CPNE1: variants seen among roughly 807,000 people sequenced by gnomAD.
CPNE1 encodes the protein copine-1.
In CPNE1, 58 loss-of-function variants were observed where a neutral mutation model predicts 63.2. The ratio of observed to expected loss-of-function variants is 0.92; its 90% CI spans 0.74 to 1.14. The LOEUF (loss-of-function observed/expected upper bound fraction) is 1.14, where lower values mean the gene tolerates loss of function less well. Ranked by LOEUF, CPNE1 falls within the 50% of genes most tolerant of loss-of-function variation. The pLI is 0.00. For synonymous variants in CPNE1, 237 were observed against 249.0 expected (o/e 0.95, Z 0.45); for missense variants, 672 against 661.7 (o/e 1.02, Z -0.17).
At chr20:35,655,353 G>A (rs759115575) in intron 1 of CPNE1, 2 of 1,579,000 alleles carry the variant, frequency 1.3e-6, no homozygotes, top group East Asian at 2.2e-5. Context: ...ACCTGCAGAT[G>A]AGAAAAGGCA....
intron 1 of CPNE1, among the ~76,000 whole-genome samples, chr20:35,638,604 TAACA>T (rs147767406): frequency 0.1 from 15,478 of 152,184 alleles, 808 homozygotes; most frequent in South Asian, 0.14. Flanking sequence ...TCAAAAAACC[TAACA>T]AACACCTAGC....
At chr20:35,663,997 A>G (rs910235118) in intron 1 of CPNE1, among the ~76,000 whole-genome samples, 4 of 152,224 alleles carry the variant, frequency 2.6e-5, no homozygotes, top group African/African-American at 9.6e-5. Context: ...TGCTCACAGC[A>G]GCCCCTTCCC....
chr20:35,652,513 G>A, intron 1 of CPNE1: 4 of 1,600,200 alleles, frequency 2.5e-6, no homozygotes. Flanking sequence ...TATAAAAAAT[G>A]ATGTGAATGG....
chr20:35,627,393 C>T lies in CPNE1; in HGVS notation c.1123G>A (p.Ala375Thr). The change falls in exon 14 of 16, where the codon GCC becomes ACC. Residue 375 changes from alanine to threonine, a missense_variant. Coordinates refer to ENST00000397443, the MANE Select transcript of CPNE1 (RefSeq NM_152925.3). ...YCAGIQGIVD[A>T]YRQALPQVRL... ...ACTTGGGGCAGGGCTTGGCGGTAGG[C>T]ATCCACAATGCCCTGGATGCCTGCA... The T allele has an allele frequency of 6.2e-7, 1 of 1,613,998 alleles. No homozygotes were observed. Among genetic ancestry groups the T allele is most frequent in the Non-Finnish European group, 8.5e-7 (1 of 1,179,978 alleles).
chr20:35,651,658 C>A (rs1307728852), intron 1 of CPNE1: 1 of 152,428 alleles, frequency 6.6e-6, no homozygotes, highest in African/African-American at 2.4e-5. Context: ...AATCAAGTAT[C>A]TTAAACACAT....
intron 1 of CPNE1, among the ~76,000 whole-genome samples, chr20:35,641,575 T>C (rs17092883): frequency 0.039 from 5,995 of 152,296 alleles, 124 homozygotes; most frequent in African/African-American, 0.059. Context: ...TGAAGATTAA[T>C]ATAAATAATG....
chr20:35,641,533 T>A (rs772891281), intron 1 of CPNE1, among the ~76,000 whole-genome samples: 1 of 152,240 alleles, frequency 6.6e-6, no homozygotes, highest in Non-Finnish European at 1.5e-5. Flanking sequence ...TTCAGGTTCC[T>A]CAGGTGTAAA....
At chr20:35,641,629 G>A (rs770521007) in intron 1 of CPNE1, among the ~76,000 whole-genome samples, 6 of 152,144 alleles carry the variant, frequency 3.9e-5, no homozygotes, top group South Asian at 2.1e-4. Context: ...CTATGACCAC[G>A]TGTTAGCTAT....
intron 2 of CPNE1, 44 bp from the exon 3 acceptor site, chr20:35,632,740 C>T (rs1468660506): frequency 2.3e-6 from 2 of 877,294 alleles, no homozygotes; most frequent in Non-Finnish European, 4.0e-6. Context: ...AGCCTCCACC[C>T]CAAAACACAA....
chr20:35,649,113 T>TA (rs1168971420), intron 1 of CPNE1: 1 of 152,604 alleles, frequency 6.6e-6, no homozygotes, highest in East Asian at 1.9e-4. Flanking sequence ...TCTGGACTAC[T>TA]ATAGAACTGC....
intron 1 of CPNE1, among the ~76,000 whole-genome samples, chr20:35,661,856 A>G (rs187451126): frequency 1.4e-4 from 22 of 152,344 alleles, no homozygotes; most frequent in African/African-American, 4.3e-4. Flanking sequence ...TCTTTAATCA[A>G]CAAGAACCAG....
intron 1 of CPNE1, chr20:35,651,355 G>A (rs527750337): frequency 6.6e-6 from 1 of 152,270 alleles, no homozygotes; most frequent in East Asian, 1.9e-4. Flanking sequence ...TTCTCCTCTG[G>A]CGGCTGCACT....
intron 1 of CPNE1, among the ~76,000 whole-genome samples, chr20:35,644,307 T>C (rs974607892): frequency 6.6e-6 from 1 of 152,256 alleles, no homozygotes; most frequent in East Asian, 1.9e-4. Flanking sequence ...AGGATATAAC[T>C]AGCAGGACAG....
chr20:35,662,747 A>G (rs2034302895), intron 1 of CPNE1, among the ~76,000 whole-genome samples: 1 of 152,204 alleles, frequency 6.6e-6, no homozygotes, highest in African/African-American at 2.4e-5. Context: ...CAAGTTTCAC[A>G]CCTAAAGACT....
chr20:35,646,350 G>A (rs2033099150), intron 1 of CPNE1, among the ~76,000 whole-genome samples: 1 of 140,378 alleles, frequency 7.1e-6, no homozygotes, highest in Admixed American at 7.2e-5. Flanking sequence ...CAATGTGGTT[G>A]TTATCATTTG....
intron 1 of CPNE1, among the ~76,000 whole-genome samples, chr20:35,659,836 G>A (rs1346061589): frequency 1.3e-5 from 2 of 151,960 alleles, no homozygotes; most frequent in African/African-American, 4.8e-5. Context: ...TATATTCAAA[G>A]GTCATTTTTT....
In CPNE1 at chr20:35,641,435, T is replaced by C. The variant is rs2032800047; in HGVS notation, c.1-8512A>G. Among the ~76,000 whole-genome samples the C allele has an allele frequency of 5.3e-5, 8 of 152,314 alleles. No homozygotes were observed. The South Asian group carries it at 1.7e-3, about 32-fold the overall frequency. On this transcript the variant is annotated intron_variant, in intron 1 of 15. Transcript: ENST00000397443. ...GACCAGGCTCCAAATACTGGCCTTATTCCTTCCTAGCCACAATAATGACAT... is the reference window on the plus strand; with the variant it reads ...GACCAGGCTCCAAATACTGGCCTTACTCCTTCCTAGCCACAATAATGACAT...
intron 1 of CPNE1, among the ~76,000 whole-genome samples, chr20:35,659,841 T>C (rs1030276751): frequency 6.6e-6 from 1 of 152,176 alleles, no homozygotes; most frequent in African/African-American, 2.4e-5. Flanking sequence ...TCAAAGGTCA[T>C]TTTTTGCTTT....
chr20:35,648,002 T>A (rs557524503), intron 1 of CPNE1, among the ~76,000 whole-genome samples: 1 of 150,476 alleles, frequency 6.6e-6, no homozygotes, highest in Non-Finnish European at 1.5e-5. Flanking sequence ...GAGGTGGAGG[T>A]TGCAGTGAGC....
Sources: allele counts gnomAD v4.1 joint callset (sites outside exome capture counted in the v4.1 genomes callset), GRCh38; gene constraint gnomAD v4.1.1; transcripts MANE v1.5; gene names NCBI Gene and HGNC (gene_info 2026-07-23, HGNC 2026-07-21).